The following GABRA3 variants were observed in gnomAD, a reference collection of about 807,000 sequenced individuals.
The protein encoded by GABRA3 is gamma-aminobutyric acid receptor subunit alpha-3.
A neutral mutation model predicts 30.1 loss-of-function variants in GABRA3; 10 were observed. The observed-to-expected ratio is 0.33, with a 90% CI of 0.20 to 0.56. GABRA3 has a LOEUF of 0.56. Ranked by LOEUF, GABRA3 falls within the 20% of genes least tolerant of loss-of-function variation. GABRA3 has a pLI of 0.89. For missense variants in GABRA3, 233 were observed against 392.0 expected (o/e 0.59, Z 3.42); for synonymous variants, 151 against 146.8 (o/e 1.03, Z -0.21).
At chrX:152,376,908 T>A (rs758673765) in intron 1 of GABRA3, among the ~76,000 whole-genome samples, 7 of 111,637 alleles carry the variant, frequency 6.3e-5, no homozygotes, top group African/African-American at 6.5e-5. Context: ...TCTGAAATTC[T>A]CATTAAGAGA....
At chrX:152,337,854 G>T (rs946842231) in intron 3 of GABRA3, among the ~76,000 whole-genome samples, 1 of 110,898 alleles carries the variant, frequency 9.0e-6, no homozygotes, top group African/African-American at 3.3e-5. Context: ...AATAAAAACA[G>T]AAAAAAGAGA....
chrX:152,294,630 C>A (rs1383942375), intron 3 of GABRA3, among the ~76,000 whole-genome samples: 1 of 111,392 alleles, frequency 9.0e-6, no homozygotes, highest in Admixed American at 9.5e-5. Flanking sequence ...CTACTTCTGT[C>A]AACTCGTCAA....
At chrX:152,267,429 G>A (rs931276372) in intron 4 of GABRA3, among the ~76,000 whole-genome samples, 2 of 111,437 alleles carry the variant, frequency 1.8e-5, no homozygotes, top group Non-Finnish European at 3.8e-5. Flanking sequence ...TTTTGTTGAG[G>A]ATTTTTGTAT....
rs138267078 is a variant in GABRA3, at chrX:152,197,876, C to G, written c.779-91G>C. The G allele has an allele frequency of 1.5e-3, 1,063 of 688,457 alleles. 5 individuals carry two copies. The African/African-American group carries it at 0.02, about 13-fold the overall frequency. 56.7% of individuals were successfully genotyped at this position (688,457 alleles called of 1,213,427 possible). On this transcript the variant is annotated intron_variant, in intron 7 of 9. Coordinates refer to ENST00000370314, the MANE Select transcript of GABRA3 (RefSeq NM_000808.4). ...AATTCAATTCACAAAGCTCTTTAAT[C>G]TTATATTCAATATTCCAGCATCTCC...
chrX:152,327,122 T>G, intron 3 of GABRA3, among the ~76,000 whole-genome samples: 1 of 109,894 alleles, frequency 9.1e-6, no homozygotes, highest in Non-Finnish European at 1.9e-5. Flanking sequence ...TACATAATGA[T>G]AGAGGGACCA....
rs1940472447 is a variant in GABRA3, at chrX:152,351,094, G to A, written c.141-5392C>T. On this transcript the variant is annotated intron_variant, in intron 2 of 9. Transcript: ENST00000370314. ...TCATTTACAGAGCATAGAGAGAGTGGATTTAGCATAATTCTTAAGGGTCCT... is the reference window on the plus strand; with the variant it reads ...TCATTTACAGAGCATAGAGAGAGTGAATTTAGCATAATTCTTAAGGGTCCT... 2.7e-5 allele frequency among the ~76,000 whole-genome samples: 3 copies of A among 111,764 alleles called. No individual in the cohort carries two copies. In the South Asian group the frequency reaches 1.1e-3, roughly 41 times the overall value.
intron 3 of GABRA3, among the ~76,000 whole-genome samples, chrX:152,336,749 T>C (rs1940240455): frequency 9.0e-6 from 1 of 111,729 alleles, no homozygotes; most frequent in Non-Finnish European, 1.9e-5. Flanking sequence ...CATTATAATT[T>C]CCAGAAGCTG....
At chrX:152,395,116 A>T (rs1929621309) in intron 1 of GABRA3, among the ~76,000 whole-genome samples, 1 of 111,107 alleles carries the variant, frequency 9.0e-6, no homozygotes, top group Non-Finnish European at 1.9e-5. Flanking sequence ...GTGGTACAAA[A>T]AAAAGACTCA....
chrX:152,240,452 TG>T (rs1289277995), intron 5 of GABRA3, among the ~76,000 whole-genome samples: 3 of 86,660 alleles, frequency 3.5e-5, no homozygotes, highest in Non-Finnish European at 6.3e-5. Flanking sequence ...TCAACTTTGG[TG>T]AATCTGACAA....
intron 1 of GABRA3, among the ~76,000 whole-genome samples, chrX:152,398,275 TTTG>T (rs869192028): frequency 2.0e-3 from 22 of 11,195 alleles, no homozygotes; most frequent in Middle Eastern, 0.083. Flanking sequence ...TTTTTTTTTT[TTTG>T]GGCTCTACAG....
In GABRA3 at chrX:152,208,086, C is replaced by G. The variant is rs772281588; in HGVS notation, c.693G>C (p.Val231=). The G allele has an allele frequency of 3.3e-6, 4 of 1,209,725 alleles. No homozygotes were observed. In the African/African-American group the frequency reaches 7.0e-5, roughly 21 times the overall value. The stretch of plus-strand genomic sequence containing the variant: ...AGCGAGAACCATCCTGTGCCACTTC[C>G]ACGGATTTGTTCTTTCCGAGAGTCC... ...YSWTLGKNKS[V]EVAQDGSRLN... The change falls in exon 7 of 10, where the codon GTG becomes GTC. Residue 231 remains valine, a synonymous_variant. Coordinates refer to ENST00000370314, the MANE Select transcript of GABRA3 (RefSeq NM_000808.4).
intron 6 of GABRA3, among the ~76,000 whole-genome samples, chrX:152,223,930 A>T (rs180961999): frequency 1.7e-3 from 193 of 111,577 alleles, no homozygotes; most frequent in African/African-American, 6.1e-3. Flanking sequence ...CAAAAGAGCA[A>T]GGCTTTTGTT....
chrX:152,260,046 G>C (rs1296324353), intron 4 of GABRA3, among the ~76,000 whole-genome samples: 1 of 110,065 alleles, frequency 9.1e-6, no homozygotes, highest in East Asian at 2.9e-4. Flanking sequence ...GAAGTACTCA[G>C]TACAAGCTAA....
chrX:152,420,421 C>T (rs1170934709), intron 1 of GABRA3, among the ~76,000 whole-genome samples: 1 of 110,950 alleles, frequency 9.0e-6, no homozygotes, highest in Non-Finnish European at 1.9e-5. Context: ...GATCAATATT[C>T]TAAAATTGAT....
chrX:152,314,287 A>T (rs1939840107), intron 3 of GABRA3, among the ~76,000 whole-genome samples: 1 of 111,926 alleles, frequency 8.9e-6, no homozygotes, highest in Non-Finnish European at 1.9e-5. Context: ...TGAGGGCAGG[A>T]ATCATATATT....
intron 3 of GABRA3, among the ~76,000 whole-genome samples, chrX:152,340,348 T>C (rs1428066051): frequency 8.9e-6 from 1 of 112,318 alleles, no homozygotes; most frequent in Non-Finnish European, 1.9e-5. Flanking sequence ...ACATGGTTAT[T>C]ATTTTTGCTT....
chrX:152,340,184 C>T (rs1160643536), intron 3 of GABRA3, among the ~76,000 whole-genome samples: 3 of 111,872 alleles, frequency 2.7e-5, no homozygotes, highest in Non-Finnish European at 5.6e-5. Context: ...GCTAAATTTT[C>T]AAGTTCTATA....
chrX:152,260,462 C>T (rs1378077156), intron 4 of GABRA3, among the ~76,000 whole-genome samples: 1 of 110,607 alleles, frequency 9.0e-6, no homozygotes, highest in African/African-American at 3.3e-5. Context: ...CAGGTCTGAC[C>T]CAGCACAGTC....
intron 3 of GABRA3, among the ~76,000 whole-genome samples, chrX:152,316,100 C>T (rs1407759280): frequency 9.3e-6 from 1 of 107,672 alleles, no homozygotes; most frequent in Non-Finnish European, 1.9e-5. Flanking sequence ...ACTAAGGGTC[C>T]TCACAGAATC....
Sources: allele counts gnomAD v4.1 joint callset (sites outside exome capture counted in the v4.1 genomes callset), GRCh38; gene constraint gnomAD v4.1.1; transcripts MANE v1.5; gene names NCBI Gene and HGNC (gene_info 2026-07-23, HGNC 2026-07-21).